The following TMTC2 variants were observed in gnomAD, a reference collection of about 807,000 sequenced individuals.
The protein encoded by TMTC2 is protein O-mannosyl-transferase TMTC2.
Under a neutral mutation model 82.4 loss-of-function variants are expected in TMTC2, and 43 were observed. The ratio of observed to expected loss-of-function variants is 0.52; its 90% CI spans 0.41 to 0.67. TMTC2 has a LOEUF of 0.67. Among genes scored for constraint, TMTC2 ranks in the 30% least tolerant of loss-of-function variants. The probability of loss-of-function intolerance (pLI) is 0.00; values close to 1 mark genes in which losing one functional copy is unlikely to be tolerated. For synonymous variants in TMTC2, 408 were observed against 381.9 expected, an observed-to-expected ratio of 1.07 and a Z score of -0.80; for missense variants, 919 against 1,012.4, an observed-to-expected ratio of 0.91 and a Z score of 1.25.
chr12:82,773,952 G>C (rs1045446722), intron 1 of TMTC2, among the ~76,000 whole-genome samples: 1 of 152,090 alleles, frequency 6.6e-6, no homozygotes, highest in African/African-American at 2.4e-5. Flanking sequence ...TATAAGCTAT[G>C]TATATGTATT....
At chr12:82,788,721 A>C (rs1878306944) in intron 1 of TMTC2, among the ~76,000 whole-genome samples, 1 of 152,090 alleles carries the variant, frequency 6.6e-6, no homozygotes, top group East Asian at 1.9e-4. Flanking sequence ...CACATCCTTA[A>C]CATCTCCTTG....
At chr12:82,914,501 A>T (rs1204915271) in intron 3 of TMTC2, among the ~76,000 whole-genome samples, 1 of 152,160 alleles carries the variant, frequency 6.6e-6, no homozygotes, top group African/African-American at 2.4e-5. Context: ...TTAAAATAAG[A>T]TGCAATCTTT....
rs750299271 is a variant in TMTC2 at position 83,030,845 on chromosome 12, G to A, written c.2118G>A (p.Leu706=). The A allele has an allele frequency of 1.9e-6, 3 of 1,613,642 alleles. No homozygotes were observed. Among genetic ancestry groups the A allele is most frequent in the East Asian group, 4.5e-5 (2 of 44,838 alleles). ...AEKLFLKAIE[L]DPTKGNCYMH... is the part of the protein sequence containing the mutation. ...AGCTCTTCTTGAAGGCTATTGAGCT[G>A]GATCCCACCAAAGGAAACTGTTACA... Residue 706 remains leucine (L), a synonymous_variant, in exon 9 of 12, where the codon CTG becomes CTA. Transcript: ENST00000321196.
In TMTC2 at chr12:82,857,001, G is replaced by A; in HGVS notation, c.84-9G>A. 1 of 1,585,722 alleles carries A rather than the reference G, an allele frequency of 6.3e-7. No homozygotes were observed. Among genetic ancestry groups the A allele is most frequent in the Non-Finnish European group, 8.6e-7 (1 of 1,167,906 alleles). ...TACATTTGATTTTTTTTAACGTTTT[G>A]TTTTTTAGCCGTGCTATCAAGACTA... On this transcript the variant is annotated splice_polypyrimidine_tract_variant and intron_variant, in intron 1 of 11. Coordinates refer to ENST00000321196, the MANE Select transcript of TMTC2 (RefSeq NM_152588.3).
intron 2 of TMTC2, among the ~76,000 whole-genome samples, chr12:82,873,213 T>TTGTGTGTGTGTG (rs35177760): frequency 0.011 from 1,538 of 143,610 alleles, 39 homozygotes; most frequent in African/African-American, 0.038. Context: ...TTCAAAGATG[T>TTGTGTGTGTGTG]TGTGTGTGTG....
chr12:82,847,615 A>G (rs768401150), intron 1 of TMTC2, among the ~76,000 whole-genome samples: 3 of 152,206 alleles, frequency 2.0e-5, no homozygotes, highest in Non-Finnish European at 4.4e-5. Flanking sequence ...CTATGCAGCC[A>G]TAACAAAGGA....
At position 82,708,617 on chromosome 12, in the gene TMTC2, G is replaced by A. The variant is rs1023463896; in HGVS notation, c.83+20948G>A. ...TGCTGGTCCCATCAGCCCCTGTCAC[G>A]TGGTCCTGGCAGTCCTGTTTGGCCT... is the stretch of plus-strand genomic sequence containing the variant. On this transcript the variant is annotated intron_variant, in intron 1 of 11. Transcript: ENST00000321196. 4.7e-4 allele frequency among the ~76,000 whole-genome samples: 71 copies of A among 152,214 alleles called. 2 individuals are homozygous for A. Among genetic ancestry groups the A allele is most frequent in the Admixed American group, 1.3e-4 (2 of 15,284 alleles).
intron 1 of TMTC2, among the ~76,000 whole-genome samples, chr12:82,824,086 G>T (rs895017377): frequency 6.6e-6 from 1 of 152,078 alleles, no homozygotes; most frequent in African/African-American, 2.4e-5. Context: ...TAGAGACGGG[G>T]TTTCACCATG....
At chr12:82,933,402 G>C (rs1876148126) in intron 4 of TMTC2, among the ~76,000 whole-genome samples, 1 of 152,008 alleles carries the variant, frequency 6.6e-6, no homozygotes, top group Admixed American at 6.6e-5. Context: ...AAAAAGAAAA[G>C]TTTTCTCATA....
At chr12:82,965,948 A>G (rs552365073) in intron 6 of TMTC2, 10 of 571,966 alleles carry the variant, frequency 1.7e-5, no homozygotes, top group East Asian at 1.7e-4. Flanking sequence ...GCTTCTGCTA[A>G]ATAAAAATTT....
At chr12:82,899,191 G>C (rs775591808) in intron 3 of TMTC2, among the ~76,000 whole-genome samples, 61 of 152,114 alleles carry the variant, frequency 4.0e-4, no homozygotes, top group Non-Finnish European at 8.1e-4. Flanking sequence ...ACCATGATAA[G>C]TTCTTTCAGA....
intron 1 of TMTC2, among the ~76,000 whole-genome samples, chr12:82,820,787 C>T (rs1045662663): frequency 6.6e-6 from 1 of 152,188 alleles, no homozygotes; most frequent in Non-Finnish European, 1.5e-5. Flanking sequence ...CTCATGTTTT[C>T]TCCCATTAAC....
intron 8 of TMTC2, among the ~76,000 whole-genome samples, chr12:83,023,798 C>A (rs1268207764): frequency 6.6e-6 from 1 of 152,190 alleles, no homozygotes; most frequent in African/African-American, 2.4e-5. Context: ...TCACTTGATA[C>A]AATTTTTCAA....
At chr12:82,818,508 A>G (rs1349711059) in intron 1 of TMTC2, among the ~76,000 whole-genome samples, 1 of 152,156 alleles carries the variant, frequency 6.6e-6, no homozygotes, top group African/African-American at 2.4e-5. Flanking sequence ...GTTAATTGCA[A>G]GGTTCTCCAG....
intron 1 of TMTC2, among the ~76,000 whole-genome samples, chr12:82,734,077 A>G (rs1016890675): frequency 1.3e-4 from 20 of 152,246 alleles, no homozygotes; most frequent in Non-Finnish European, 2.1e-4. Context: ...GGCCTTGGGC[A>G]GATCACATCA....
Position 83,129,536 on chromosome 12 carries a change from G to A in TMTC2, c.2332-2674G>A, listed in dbSNP as rs1260914179. Among the ~76,000 whole-genome samples the A allele has an allele frequency of 7.9e-5, 12 of 152,294 alleles. No homozygotes were observed. In the East Asian group the frequency reaches 1.7e-3, roughly 22 times the overall value. ...TTGAAGGACAAAGAAGCCTCAGGCTGCAATTTAGTAATAATAGTGAGGTCT... is the reference window on the plus strand; with the variant it reads ...TTGAAGGACAAAGAAGCCTCAGGCTACAATTTAGTAATAATAGTGAGGTCT... On this transcript the variant is annotated intron_variant, in intron 11 of 11. Transcript: ENST00000321196.
intron 4 of TMTC2, among the ~76,000 whole-genome samples, chr12:82,937,786 A>ATATACATATATATATATATATATATG (rs1876454927): frequency 4.3e-5 from 1 of 23,118 alleles, no homozygotes; most frequent in Non-Finnish European, 9.9e-5. Flanking sequence ...ATATATATAT[A>ATATACATATATATATATATATATATG]TATATATATA....
chr12:82,687,373 G>A lies in TMTC2; in HGVS notation c.-214G>A. On this transcript the variant is annotated 5_prime_UTR_variant, in exon 1 of 12. Coordinates refer to ENST00000321196, the MANE Select transcript of TMTC2 (RefSeq NM_152588.3). ...GGCATGGGGAGTGTGGTGTGAGCCC[G>A]CACCCGGGGAGGACGCAGGAGCTGC... is the stretch of plus-strand genomic sequence containing the variant. The A allele has an allele frequency of 3.5e-6, 2 of 577,022 alleles. No homozygotes were observed. Among genetic ancestry groups the A allele is most frequent in the Non-Finnish European group, 6.2e-6 (2 of 325,124 alleles). The allele number at this position is 577,022 out of a possible 1,614,324, so 35.7% of individuals were successfully genotyped here. A position where few individuals can be genotyped will look rare whatever the true frequency, so the allele number is the denominator to read the frequency against.
At chr12:82,860,015 C>A (rs1203447841) in intron 2 of TMTC2, among the ~76,000 whole-genome samples, 1 of 152,110 alleles carries the variant, frequency 6.6e-6, no homozygotes, top group Non-Finnish European at 1.5e-5. Context: ...GCCCTGTCGC[C>A]TAGGCTGGAG....
Sources: allele counts gnomAD v4.1 joint callset (sites outside exome capture counted in the v4.1 genomes callset), GRCh38; gene constraint gnomAD v4.1.1; transcripts MANE v1.5; gene names NCBI Gene and HGNC (gene_info 2026-07-23, HGNC 2026-07-21).